Variants in CDH13 observed in about 807,000 individuals in gnomAD.
CDH13 encodes cadherin 13.
In CDH13, 24 loss-of-function variants were observed where a neutral mutation model predicts 63.8. The ratio of observed to expected loss-of-function variants is 0.38; its 90% CI spans 0.27 to 0.53. The LOEUF (loss-of-function observed/expected upper bound fraction) is 0.53. Among genes scored for constraint, CDH13 ranks in the 20% least tolerant of loss-of-function variants. The pLI, the probability that CDH13 is intolerant of heterozygous loss-of-function variation, is 0.85. For missense variants in CDH13, 1,049 were observed against 903.1 expected, an observed-to-expected ratio of 1.16 and a Z score of -2.07; for synonymous variants, 503 against 355.3, an observed-to-expected ratio of 1.42 and a Z score of -4.67.
intron 1 of CDH13, among the ~76,000 whole-genome samples, chr16:82,763,490 A>G (rs1281521491): frequency 6.6e-6 from 1 of 152,204 alleles, no homozygotes; most frequent in Non-Finnish European, 1.5e-5. Flanking sequence ...GAAAGAAAAA[A>G]TGAAAAGGTT....
intron 5 of CDH13, among the ~76,000 whole-genome samples, chr16:83,239,141 C>T (rs1295044833): frequency 2.0e-5 from 3 of 152,180 alleles, no homozygotes; most frequent in Non-Finnish European, 4.4e-5. Context: ...TGCTGTTTAA[C>T]AGCCTTACCA....
intron 2 of CDH13, among the ~76,000 whole-genome samples, chr16:83,011,908 A>T (rs1487682010): frequency 6.6e-6 from 1 of 151,496 alleles, no homozygotes; most frequent in Non-Finnish European, 1.5e-5. Context: ...CATTACAGCT[A>T]TTATTAATAT....
intron 1 of CDH13, among the ~76,000 whole-genome samples, chr16:82,636,422 A>G (rs1908662568): frequency 6.6e-6 from 1 of 152,180 alleles, no homozygotes; most frequent in Non-Finnish European, 1.5e-5. Flanking sequence ...ATGCCCTTGA[A>G]TAAAGTGACC....
At chr16:83,726,594 G>C (rs1237168094) in intron 10 of CDH13, among the ~76,000 whole-genome samples, 2 of 152,144 alleles carry the variant, frequency 1.3e-5, no homozygotes, top group Non-Finnish European at 2.9e-5. Context: ...CCGGCCCTTT[G>C]GGAGGCCGAG....
intron 7 of CDH13, among the ~76,000 whole-genome samples, chr16:83,551,976 G>A (rs748379425): frequency 6.6e-6 from 1 of 152,144 alleles, no homozygotes. Context: ...TGGTTAGCGG[G>A]TTAATAAGTA....
intron 2 of CDH13, among the ~76,000 whole-genome samples, chr16:82,937,684 G>A (rs1162108442): frequency 6.6e-6 from 1 of 152,182 alleles, no homozygotes; most frequent in East Asian, 1.9e-4. Context: ...TCTCTGAACT[G>A]CAGGAACTTC....
intron 3 of CDH13, among the ~76,000 whole-genome samples, chr16:83,073,989 G>C (rs754013138): frequency 7.9e-5 from 12 of 152,096 alleles, no homozygotes; most frequent in Non-Finnish European, 1.5e-4. Context: ...TCTATGTGTT[G>C]AGAACATTTC....
rs528920430 is a variant in CDH13, at chr16:83,078,302, G to C, written c.366+46084G>C. On this transcript the variant is annotated intron_variant, in intron 3 of 13. Coordinates refer to ENST00000567109, the MANE Select transcript of CDH13 (RefSeq NM_001257.5). ...CAGTCCCCAACCTTTTGGCACCAGGGACTGGTTTCATGGAAGGCAATTTTT... is the reference window on the plus strand; with the variant it reads ...CAGTCCCCAACCTTTTGGCACCAGGCACTGGTTTCATGGAAGGCAATTTTT... Among the ~76,000 whole-genome samples the C allele has an allele frequency of 1.3e-3, 195 of 152,274 alleles. 1 individual carries two copies. The highest frequency in any genetic ancestry group is 6.2e-3 in the South Asian group (30 of 4,816).
chr16:82,720,798 T>C (rs1207697133), intron 1 of CDH13, among the ~76,000 whole-genome samples: 2 of 152,172 alleles, frequency 1.3e-5, no homozygotes, highest in Non-Finnish European at 2.9e-5. Context: ...TTTGAGTCAG[T>C]CACAGTGAGT....
intron 2 of CDH13, among the ~76,000 whole-genome samples, chr16:82,862,492 A>T (rs2039982968): frequency 1.3e-5 from 2 of 152,154 alleles, no homozygotes; most frequent in South Asian, 4.1e-4. Flanking sequence ...TTAGCAGGGG[A>T]TGAGTGCAGT....
chr16:83,106,490 G>A (rs1046547129), intron 3 of CDH13, among the ~76,000 whole-genome samples: 6 of 152,156 alleles, frequency 3.9e-5, no homozygotes, highest in Non-Finnish European at 7.4e-5. Context: ...GCGGTGGGCC[G>A]AGATCACGCC....
intron 3 of CDH13, among the ~76,000 whole-genome samples, chr16:83,110,688 A>G (rs1003683179): frequency 1.3e-5 from 2 of 152,152 alleles, no homozygotes; most frequent in Non-Finnish European, 2.9e-5. Flanking sequence ...AGATAACCGA[A>G]GTACATTTCC....
chr16:82,657,638 A>G (rs1185653266), intron 1 of CDH13, among the ~76,000 whole-genome samples: 2 of 152,230 alleles, frequency 1.3e-5, no homozygotes, highest in African/African-American at 2.4e-5. Context: ...TGTACATTTC[A>G]TGTACACAGT....
At chr16:83,369,378 C>G (rs1479605239) in intron 6 of CDH13, among the ~76,000 whole-genome samples, 4 of 152,048 alleles carry the variant, frequency 2.6e-5, no homozygotes, top group Admixed American at 1.3e-4. Flanking sequence ...AGGTCCAAAC[C>G]TGTCTCTCCT....
At position 83,371,660 on chromosome 16, in the gene CDH13, AT is replaced by A. The variant is rs564540077; in HGVS notation, c.781+26656del. Among the ~76,000 whole-genome samples, 288 of 152,376 alleles carry A rather than the reference AT, an allele frequency of 1.9e-3. 1 individual carries two copies. The highest frequency in any genetic ancestry group is 6.3e-3 in the African/African-American group (261 of 41,594). Reference sequence around the variant, plus strand: ...AATTTCAAAAATCAATTTAAAGTATATTGAAAGTAGATTAATAGTGGTACTG... The same window carrying A: ...AATTTCAAAAATCAATTTAAAGTATATGAAAGTAGATTAATAGTGGTACTG... On this transcript the variant is annotated intron_variant, in intron 6 of 13. Transcript: ENST00000567109.
chr16:83,281,233 A>C (rs2089163375), intron 5 of CDH13, among the ~76,000 whole-genome samples: 1 of 152,140 alleles, frequency 6.6e-6, no homozygotes, highest in Non-Finnish European at 1.5e-5. Context: ...CTATATCAGC[A>C]CTCGCTGCTT....
chr16:82,783,091 A>G (rs911657939), intron 1 of CDH13, among the ~76,000 whole-genome samples: 6 of 152,228 alleles, frequency 3.9e-5, no homozygotes, highest in African/African-American at 1.2e-4. Flanking sequence ...GTGTGGCTCA[A>G]TGTGAGCAAA....
intron 7 of CDH13, among the ~76,000 whole-genome samples, chr16:83,560,244 C>T (rs1165331779): frequency 6.6e-6 from 1 of 152,198 alleles, no homozygotes; most frequent in South Asian, 2.1e-4. Context: ...CAAAATTCTT[C>T]TCTCTTACTT....
chr16:83,606,243 G>A (rs907088934), intron 8 of CDH13, among the ~76,000 whole-genome samples: 8 of 152,186 alleles, frequency 5.3e-5, no homozygotes, highest in African/African-American at 9.7e-5. Flanking sequence ...AGGACATTTC[G>A]AAGTTGATAA....
Sources: gnomAD v4.1 joint callset for allele counts (sites outside exome capture counted in the v4.1 genomes callset) on GRCh38, gnomAD v4.1.1 for gene constraint, MANE v1.5 for transcripts, NCBI Gene and HGNC (gene_info 2026-07-23, HGNC 2026-07-21) for gene names.